Variants in SLC10A7 observed in about 807,000 individuals in gnomAD.
SLC10A7 encodes the protein solute carrier family 10 member 7, also known as sodium/bile acid cotransporter 7.
SLC10A7 carries 29 observed loss-of-function variants against 43.2 expected under a neutral mutation model. The ratio of observed to expected loss-of-function variants is 0.67; its 90% confidence interval spans 0.50 to 0.92. The LOEUF is 0.92. Ranked by LOEUF, SLC10A7 falls within the 40% of genes least tolerant of loss-of-function variation. The pLI is 0.00. For synonymous variants in SLC10A7, 152 were observed against 144.8 expected (o/e 1.05, Z -0.35); for missense variants, 295 against 403.2 (o/e 0.73, Z 2.30).
At chr4:146,306,857 G>T (rs531106655) in intron 6 of SLC10A7, among the ~76,000 whole-genome samples, 1 of 152,266 alleles carries the variant, frequency 6.6e-6, no homozygotes, top group South Asian at 2.1e-4. Context: ...TTTGCAACCA[G>T]ATCTACCAAA....
intron 5 of SLC10A7, among the ~76,000 whole-genome samples, chr4:146,385,945 G>C (rs1427350788): frequency 2.0e-5 from 3 of 152,146 alleles, no homozygotes; most frequent in Admixed American, 2.0e-4. Flanking sequence ...TCCTTCCATA[G>C]TGTATATGTA....
In SLC10A7 at chr4:146,367,230, C is replaced by G. The variant is rs540728113; in HGVS notation, c.436-41234G>C. On this transcript the variant is annotated intron_variant, in intron 5 of 11. Transcript: ENST00000335472. The stretch of plus-strand genomic sequence containing the variant: ...AAAATTGTAACTAAAACCCAGAGCC[C>G]AAAACAACAAAAGGAAACAAAAAAA... Among the ~76,000 whole-genome samples the G allele has an allele frequency of 7.9e-5, 12 of 151,966 alleles. No individual in the cohort carries two copies. The South Asian group carries it at 2.5e-3, about 32-fold the overall frequency.
intron 4 of SLC10A7, among the ~76,000 whole-genome samples, chr4:146,491,101 C>G (rs1326371152): frequency 6.6e-6 from 1 of 152,172 alleles, no homozygotes; most frequent in Non-Finnish European, 1.5e-5. Context: ...GACTGGGCAT[C>G]TACAGCAGCT....
intron 5 of SLC10A7, among the ~76,000 whole-genome samples, chr4:146,381,517 A>C (rs1055712859): frequency 6.6e-6 from 1 of 152,124 alleles, no homozygotes; most frequent in Non-Finnish European, 1.5e-5. Context: ...GAGATTGCAG[A>C]TAACTCATCC....
At chr4:146,473,677 A>G (rs1733783147) in intron 4 of SLC10A7, among the ~76,000 whole-genome samples, 1 of 152,106 alleles carries the variant, frequency 6.6e-6, no homozygotes, top group South Asian at 2.1e-4. Context: ...GAGACTACCA[A>G]TTTGGCTAGG....
At chr4:146,485,729 A>T (rs528640122) in intron 4 of SLC10A7, among the ~76,000 whole-genome samples, 16 of 152,320 alleles carry the variant, frequency 1.1e-4, no homozygotes, top group African/African-American at 3.6e-4. Context: ...CCAGAGAAAG[A>T]GACTATGATG....
chr4:146,299,690 G>C (rs1731026579), intron 7 of SLC10A7, among the ~76,000 whole-genome samples: 1 of 152,168 alleles, frequency 6.6e-6, no homozygotes, highest in African/African-American at 2.4e-5. Context: ...GGGACTTGAA[G>C]ATAGAGGATA....
At chr4:146,448,887 A>G (rs2149906575) in intron 4 of SLC10A7, among the ~76,000 whole-genome samples, 1 of 152,358 alleles carries the variant, frequency 6.6e-6, no homozygotes, top group East Asian at 1.9e-4. Context: ...TGCAGGCTGT[A>G]TAGGTGAAGA....
At chr4:146,421,461 A>C (rs1371549211) in intron 5 of SLC10A7, among the ~76,000 whole-genome samples, 4 of 152,088 alleles carry the variant, frequency 2.6e-5, no homozygotes, top group Admixed American at 2.0e-4. Flanking sequence ...CTACCAGGCC[A>C]TTTCTCCCAG....
At chr4:146,361,980 T>C (rs547952690) in intron 5 of SLC10A7, among the ~76,000 whole-genome samples, 23 of 152,112 alleles carry the variant, frequency 1.5e-4, no homozygotes, top group African/African-American at 5.5e-4. Context: ...AACAGCAGAA[T>C]TGATCCAGCA....
chr4:146,499,944 CA>C (rs1377035213), intron 4 of SLC10A7, among the ~76,000 whole-genome samples: 3 of 152,048 alleles, frequency 2.0e-5, no homozygotes, highest in African/African-American at 7.2e-5. Context: ...AAGTTGAGAA[CA>C]AAAAGGTTTT....
intron 5 of SLC10A7, among the ~76,000 whole-genome samples, chr4:146,398,608 C>T (rs1044012714): frequency 2.0e-5 from 3 of 152,170 alleles, no homozygotes; most frequent in African/African-American, 7.2e-5. Context: ...CCACAGCATG[C>T]TGGAATTACT....
chr4:146,505,415 T>G (rs964366347), intron 3 of SLC10A7, among the ~76,000 whole-genome samples: 1 of 152,202 alleles, frequency 6.6e-6, no homozygotes, highest in Non-Finnish European at 1.5e-5. Context: ...ATATTATAGG[T>G]AAGGCCTCCA....
chr4:146,316,919 T>C (rs1189042122), intron 6 of SLC10A7, among the ~76,000 whole-genome samples: 2 of 152,094 alleles, frequency 1.3e-5, no homozygotes, highest in Non-Finnish European at 2.9e-5. Context: ...CTTGGCTCTT[T>C]ACAGTTTACA....
At chr4:146,395,672 TTTAG>T in intron 5 of SLC10A7, among the ~76,000 whole-genome samples, 1 of 152,334 alleles carries the variant, frequency 6.6e-6, no homozygotes, top group Non-Finnish European at 1.5e-5. Context: ...GGACATGCTT[TTTAG>T]TATTAATATG....
chr4:146,338,941 C>G (rs754237874), intron 5 of SLC10A7, among the ~76,000 whole-genome samples: 3 of 151,738 alleles, frequency 2.0e-5, no homozygotes, highest in Non-Finnish European at 2.9e-5. Flanking sequence ...CATGAATTAC[C>G]AACAAGACTA....
At chr4:146,340,478 A>G (rs772163149) in intron 5 of SLC10A7, among the ~76,000 whole-genome samples, 18 of 151,882 alleles carry the variant, frequency 1.2e-4, no homozygotes, top group Non-Finnish European at 1.8e-4. Flanking sequence ...AAAACAAAAA[A>G]CAAAATATAT....
intron 4 of SLC10A7, among the ~76,000 whole-genome samples, chr4:146,499,489 AC>A (rs1267013438): frequency 6.6e-6 from 1 of 152,170 alleles, no homozygotes; most frequent in African/African-American, 2.4e-5. Context: ...ATTTACTTCA[AC>A]AAAAGTCTAT....
At chr4:146,508,442 T>C (rs1737130471) in intron 3 of SLC10A7, among the ~76,000 whole-genome samples, 1 of 152,198 alleles carries the variant, frequency 6.6e-6, no homozygotes, top group Admixed American at 6.5e-5. Flanking sequence ...ATGTGGCATT[T>C]TACACTTTTT....
Sources: allele counts gnomAD v4.1 joint callset (sites outside exome capture counted in the v4.1 genomes callset), GRCh38; gene constraint gnomAD v4.1.1; transcripts MANE v1.5; gene names NCBI Gene and HGNC (gene_info 2026-07-23, HGNC 2026-07-21).